The following NEK10 variants were observed in gnomAD, a reference collection of about 807,000 sequenced individuals.
The protein encoded by NEK10 is NIMA related kinase 10, also known as serine/threonine-protein kinase Nek10.
NEK10 carries 122 observed loss-of-function variants against 159.8 expected under a neutral mutation model. The ratio of observed to expected loss-of-function variants is 0.76; its 90% CI spans 0.66 to 0.89. The LOEUF is 0.89. Ranked by LOEUF, NEK10 falls within the 40% of genes least tolerant of loss-of-function variation. The pLI is 0.00. For synonymous variants in NEK10, 466 were observed against 457.1 expected (o/e 1.02, Z -0.25); for missense variants, 1,342 against 1,323.1 (o/e 1.01, Z -0.22).
chr3:27,195,239 G>T (rs1333227818), intron 25 of NEK10, among the ~76,000 whole-genome samples: 1 of 152,204 alleles, frequency 6.6e-6, no homozygotes, highest in Non-Finnish European at 1.5e-5. Context: ...AAGATTGGCT[G>T]TGAGCCTGAT....
At chr3:27,214,909 T>C in intron 23 of NEK10, 2 of 1,113,082 alleles carry the variant, frequency 1.8e-6, no homozygotes, top group Admixed American at 1.7e-5. Context: ...ATGGCCACAT[T>C]CTTCTTTTAA....
chr3:27,232,260 A>T (rs745809979), intron 23 of NEK10, among the ~76,000 whole-genome samples: 2 of 152,000 alleles, frequency 1.3e-5, no homozygotes, highest in Non-Finnish European at 1.5e-5. Context: ...GCACTGCTAC[A>T]CACCAAGAAT....
intron 5 of NEK10, among the ~76,000 whole-genome samples, chr3:27,343,166 A>G (rs977703159): frequency 6.6e-6 from 1 of 152,188 alleles, no homozygotes; most frequent in Non-Finnish European, 1.5e-5. Context: ...TCAATTCTGT[A>G]TTGTTTTAAA....
At chr3:27,184,977 A>C (rs1393335845) in intron 26 of NEK10, among the ~76,000 whole-genome samples, 2 of 152,196 alleles carry the variant, frequency 1.3e-5, no homozygotes, top group Admixed American at 6.5e-5. Context: ...AAAAATGAGA[A>C]TCTAGATGCT....
chr3:27,298,638 A>T (rs1034403304), intron 13 of NEK10, among the ~76,000 whole-genome samples: 2 of 152,196 alleles, frequency 1.3e-5, no homozygotes, highest in Non-Finnish European at 2.9e-5. Context: ...AAGACAGGAA[A>T]ATGTGGGAAA....
At chr3:27,278,430 C>A (rs1456432466) in intron 22 of NEK10, among the ~76,000 whole-genome samples, 4 of 152,186 alleles carry the variant, frequency 2.6e-5, no homozygotes, top group African/African-American at 9.7e-5. Flanking sequence ...GAAACCATGG[C>A]TTTTCATCTT....
chr3:27,173,520 G>A (rs779839082), intron 28 of NEK10, among the ~76,000 whole-genome samples: 5 of 152,166 alleles, frequency 3.3e-5, no homozygotes, highest in Non-Finnish European at 7.3e-5. Flanking sequence ...GAAAACTGGG[G>A]TTGTCCCAGA....
intron 11 of NEK10, among the ~76,000 whole-genome samples, chr3:27,305,640 T>C (rs796108036): frequency 2.3e-4 from 34 of 150,318 alleles, no homozygotes; most frequent in African/African-American, 8.3e-4. Context: ...ATAATAATAA[T>C]AAAAGCCTTA....
chr3:27,299,690 G>A (rs569248130), intron 13 of NEK10, among the ~76,000 whole-genome samples: 31 of 152,358 alleles, frequency 2.0e-4, no homozygotes, highest in East Asian at 1.9e-3. Context: ...CCACAGGGGC[G>A]GAGCTGCCCA....
intron 26 of NEK10, among the ~76,000 whole-genome samples, chr3:27,180,252 A>G (rs1045345828): frequency 3.3e-5 from 5 of 151,940 alleles, no homozygotes; most frequent in African/African-American, 1.2e-4. Flanking sequence ...AAAATTAGAC[A>G]GGCATGGTGG....
At chr3:27,113,435 CAAAAAAAA>C (rs3034425) in intron 35 of NEK10, among the ~76,000 whole-genome samples, 22 of 81,514 alleles carry the variant, frequency 2.7e-4, no homozygotes, top group African/African-American at 8.8e-4. Context: ...GATTCCATCT[CAAAAAAAA>C]AAAAAAAAAA....
intron 22 of NEK10, among the ~76,000 whole-genome samples, chr3:27,280,910 A>G (rs773668610): frequency 1.0e-4 from 11 of 107,998 alleles, no homozygotes; most frequent in Middle Eastern, 4.7e-3. Context: ...ATATGTACAT[A>G]TGGTGTGTGT....
chr3:27,303,633 T>A (rs1002490073), intron 12 of NEK10, among the ~76,000 whole-genome samples: 46 of 152,340 alleles, frequency 3.0e-4, no homozygotes, highest in Non-Finnish European at 5.9e-4. Flanking sequence ...AGTCTATAAA[T>A]TTTTCCTTTG....
At position 27,346,107 on chromosome 3, in the gene NEK10, G is replaced by C; in HGVS notation, c.242C>G (p.Ala81Gly). Residue 81 changes from alanine (A) to glycine (G), a missense_variant, in exon 4 of 36, where the codon GCT becomes GGT. Ala to Gly is a moderately conservative substitution (Grantham distance 60). Transcript: ENST00000691995. The stretch of plus-strand genomic sequence containing the variant: ...TTACCTAAAATTTTCAAGTTCAACA[G>C]CTTCTGTGGATTCATGCCACTGACC... ...ARGQWHESTEAVELENFSINY... is the reference protein window; with the variant it reads ...ARGQWHESTEGVELENFSINY... The C allele has an allele frequency of 6.2e-7, 1 of 1,613,658 alleles. No homozygotes were observed. Among genetic ancestry groups the C allele is most frequent in the Non-Finnish European group, 8.5e-7 (1 of 1,179,660 alleles).
In NEK10 at chr3:27,109,172, A is replaced by T. The variant is rs529432515; in HGVS notation, c.*2100T>A. ...GGCAGGCAGATCACCTGAGGTCAGGAGTTTGAGACCAGCCTGGCCAACATG... is the reference window on the plus strand; with the variant it reads ...GGCAGGCAGATCACCTGAGGTCAGGTGTTTGAGACCAGCCTGGCCAACATG... On this transcript the variant is annotated 3_prime_UTR_variant, in exon 36 of 36. Transcript: ENST00000691995. Among the ~76,000 whole-genome samples, 52 of 152,238 alleles carry T rather than the reference A, an allele frequency of 3.4e-4. 1 individual carries two copies. The highest frequency in any genetic ancestry group is 2.2e-4 in the Non-Finnish European group (15 of 68,022).
intron 6 of NEK10, among the ~76,000 whole-genome samples, chr3:27,320,792 T>C (rs1463589551): frequency 2.0e-5 from 3 of 152,188 alleles, no homozygotes; most frequent in Admixed American, 1.3e-4. Context: ...ACGATTCTTC[T>C]AATGGAAAGA....
At chr3:27,282,637 G>GTGTTATATATATACATAAC (rs2042280017) in intron 22 of NEK10, among the ~76,000 whole-genome samples, 1 of 122,266 alleles carries the variant, frequency 8.2e-6, no homozygotes, top group African/African-American at 3.0e-5. Flanking sequence ...ATACATAACT[G>GTGTTATATATATACATAAC]TGTTATATAT....
At chr3:27,197,800 T>G (rs530826123) in intron 25 of NEK10, among the ~76,000 whole-genome samples, 2 of 152,060 alleles carry the variant, frequency 1.3e-5, no homozygotes, top group Non-Finnish European at 2.9e-5. Context: ...TTCTTTCTTT[T>G]TTTTTTTTTA....
At chr3:27,365,619 T>TTTTTTTTTTG (rs2049019692) in intron 1 of NEK10, among the ~76,000 whole-genome samples, 1 of 137,828 alleles carries the variant, frequency 7.3e-6, no homozygotes, top group Admixed American at 7.3e-5. Flanking sequence ...TGTTTTTTTT[T>TTTTTTTTTTG]TTTTTTTTTT....
Sources: gnomAD v4.1 joint callset for allele counts (sites outside exome capture counted in the v4.1 genomes callset) on GRCh38, gnomAD v4.1.1 for gene constraint, MANE v1.5 for transcripts, NCBI Gene and HGNC (gene_info 2026-07-23, HGNC 2026-07-21) for gene names.